TCOF1: variants seen among roughly 807,000 people sequenced by gnomAD.
TCOF1 encodes treacle protein.
A neutral mutation model predicts 149.0 loss-of-function variants in TCOF1; 33 were observed. That is an observed-to-expected ratio of 0.22 (90% CI 0.17 to 0.30). The LOEUF (loss-of-function observed/expected upper bound fraction) is 0.30, where lower values mean the gene tolerates loss of function less well. Among genes scored for constraint, TCOF1 ranks in the 10% least tolerant of loss-of-function variants. The probability of loss-of-function intolerance (pLI) is 1.00; values close to 1 mark genes in which losing one functional copy is unlikely to be tolerated. For synonymous variants in TCOF1, 789 were observed against 738.8 expected (o/e 1.07, Z -1.10); for missense variants, 1,728 against 1,840.7 (o/e 0.94, Z 1.12).
chr5:150,373,171 C>T (rs928610630), intron 7 of TCOF1, among the ~76,000 whole-genome samples: 5 of 152,036 alleles, frequency 3.3e-5, no homozygotes, highest in African/African-American at 1.2e-4. Context: ...AGCCTCACTC[C>T]TGAGTAGCTA....
chr5:150,357,944 C>T (rs1759016966), intron 1 of TCOF1, 90 bp downstream of exon 1: 3 of 1,403,704 alleles, frequency 2.1e-6, no homozygotes, highest in Middle Eastern at 2.4e-4. Context: ...GGCGACCCGG[C>T]AGGCGCCCGG....
intron 17 of TCOF1, chr5:150,384,622 A>T (rs1765902783): frequency 1.0e-6 from 1 of 985,318 alleles, no homozygotes; most frequent in Admixed American, 6.1e-5. Flanking sequence ...TAAAATGAAC[A>T]TCCTGCTTAA....
chr5:150,377,352 G>A (rs1236787048), intron 14 of TCOF1, among the ~76,000 whole-genome samples: 2 of 152,146 alleles, frequency 1.3e-5, no homozygotes, highest in East Asian at 1.9e-4. Context: ...GATCTCACCT[G>A]CTACACCCAG....
chr5:150,375,776 G>A lies in TCOF1; in HGVS notation c.1760G>A (p.Gly587Glu), dbSNP rs1350063322. Residue 587 changes from glycine to glutamate, a missense_variant, in exon 12 of 27, where the codon GGG becomes GAG. Coordinates refer to ENST00000643257, the MANE Select transcript of TCOF1 (RefSeq NM_001371623.1). ...AAACCCACCTCCAGTCCTGCCAAGGGGCCCCCTCAGAAGGCAGGGCCTGTA... is the reference window on the plus strand; with the variant it reads ...AAACCCACCTCCAGTCCTGCCAAGGAGCCCCCTCAGAAGGCAGGGCCTGTA... ...QAKPTSSPAK[G>E]PPQKAGPVAV... 1 of 1,614,208 alleles carries A rather than the reference G, an allele frequency of 6.2e-7. No individual in the cohort carries two copies. Among genetic ancestry groups the A allele is most frequent in the Non-Finnish European group, 8.5e-7 (1 of 1,180,044 alleles).
At chr5:150,383,135 C>G in intron 17 of TCOF1, 1 of 1,536,076 alleles carries the variant, frequency 6.5e-7, no homozygotes. Context: ...ACGGAGGGGT[C>G]CTCGGAGAGC....
At chr5:150,379,980 G>A in intron 17 of TCOF1, 1 of 461,812 alleles carries the variant, frequency 2.2e-6, no homozygotes, top group East Asian at 4.7e-5. Context: ...GCTGAGGCAG[G>A]AGAATCCCTA....
At chr5:150,371,303 A>G (rs1332619301) in intron 6 of TCOF1, among the ~76,000 whole-genome samples, 1 of 152,040 alleles carries the variant, frequency 6.6e-6, no homozygotes, top group Non-Finnish European at 1.5e-5. Context: ...TGCGCCCTAG[A>G]TACCACCAGC....
intron 2 of TCOF1, among the ~76,000 whole-genome samples, chr5:150,362,482 G>A (rs748479096): frequency 7.9e-5 from 12 of 152,160 alleles, no homozygotes; most frequent in South Asian, 4.1e-4. Flanking sequence ...AGAATAGTGC[G>A]TTCTCTGAGG....
At chr5:150,383,173 G>A (rs1765587133) in intron 17 of TCOF1, 1 of 1,535,130 alleles carries the variant, frequency 6.5e-7, no homozygotes, top group Non-Finnish European at 8.7e-7. Context: ...ACTGACCCAG[G>A]TGCGCCATGC....
chr5:150,387,836 C>G (rs893525291), intron 17 of TCOF1, 66 bp from the exon 18 acceptor site: 3 of 1,607,988 alleles, frequency 1.9e-6, no homozygotes, highest in African/African-American at 2.7e-5. Context: ...CTCCCTAACC[C>G]CATCACCTCC....
chr5:150,393,628 A>G (rs1413340367), intron 23 of TCOF1, 76 bp downstream of exon 23: 22 of 1,582,650 alleles, frequency 1.4e-5, no homozygotes, highest in Non-Finnish European at 6.9e-6. Flanking sequence ...GCCCTCCTGT[A>G]GCAACAGTCC....
chr5:150,361,126 A>C (rs768390255), intron 1 of TCOF1, 30 bp from the exon 2 acceptor site: 17 of 1,613,834 alleles, frequency 1.1e-5, no homozygotes, highest in Non-Finnish European at 6.8e-6. Context: ...GCTGGGGATT[A>C]ATTGTGGCTT....
chr5:150,359,447 C>T (rs575931792), intron 1 of TCOF1, among the ~76,000 whole-genome samples: 2 of 151,906 alleles, frequency 1.3e-5, no homozygotes, highest in Admixed American at 6.6e-5. Flanking sequence ...GTCTGGTGGG[C>T]AGTTTGATCT....
At position 150,372,106 on chromosome 5, in the gene TCOF1, A is replaced by T; in HGVS notation, c.740A>T (p.Asp247Val). 1.2e-6 allele frequency: 2 copies of T among 1,614,158 alleles called. No individual in the cohort carries two copies. The highest frequency in any genetic ancestry group is 1.1e-5 in the South Asian group (1 of 91,090). The change falls in exon 7 of 27, where the codon GAT becomes GTT. Residue 247 changes from aspartate to valine, a missense_variant. Asp to Val is a radical substitution (Grantham distance 152). Transcript: ENST00000643257. ...GCCCCAGCCCCTGGGAAGGTGGGGGATGTGACACCCCAGGTCAAAGGAGGG... is the reference window on the plus strand; with the variant it reads ...GCCCCAGCCCCTGGGAAGGTGGGGGTTGTGACACCCCAGGTCAAAGGAGGG... ...KAAPAPGKVGDVTPQVKGGAL... is the reference protein window; with the variant it reads ...KAAPAPGKVGVVTPQVKGGAL...
At chr5:150,392,274 C>T in intron 21 of TCOF1, 98 bp downstream of exon 21, 3 of 1,239,310 alleles carry the variant, frequency 2.4e-6, no homozygotes, top group South Asian at 1.4e-5. Flanking sequence ...ATCTCAGACT[C>T]ATTCTGCACC....
intron 7 of TCOF1, among the ~76,000 whole-genome samples, chr5:150,373,903 G>A (rs557453017): frequency 4.1e-4 from 62 of 152,304 alleles, no homozygotes; most frequent in African/African-American, 1.3e-3. Flanking sequence ...TAAGGAAGTG[G>A]TGTCTCTTAG....
Position 150,380,424 on chromosome 5 carries a change from G to A in TCOF1, c.2859+692G>A, listed in dbSNP as rs946267027. The A allele has an allele frequency of 4.5e-5, 7 of 154,938 alleles. 1 individual carries two copies. The highest frequency in any genetic ancestry group is 1.7e-4 in the African/African-American group (7 of 41,460). 9.6% of individuals were successfully genotyped at this position (154,938 alleles called of 1,614,324 possible). On this transcript the variant is annotated intron_variant, in intron 17 of 26. Coordinates refer to ENST00000643257, the MANE Select transcript of TCOF1 (RefSeq NM_001371623.1). ...CCCTGTCAGAGTCCCAGGGAAGCTT[G>A]GAGTGTGGCACAGGTCCCCCTGAGG...
intron 17 of TCOF1, chr5:150,384,829 TATTGTAC>T (rs1305413229): frequency 1.0e-6 from 1 of 985,372 alleles, no homozygotes. Context: ...TTATTTTCAT[TATTGTAC>T]ATTTATTGAG....
At chr5:150,395,906 C>A (rs1343881816) in intron 23 of TCOF1, among the ~76,000 whole-genome samples, 1 of 152,158 alleles carries the variant, frequency 6.6e-6, no homozygotes, top group Non-Finnish European at 1.5e-5. Flanking sequence ...GAAAGTCAGA[C>A]CTAGAACCCA....
Sources: gnomAD v4.1 joint callset for allele counts (sites outside exome capture counted in the v4.1 genomes callset) on GRCh38, gnomAD v4.1.1 for gene constraint, MANE v1.5 for transcripts, NCBI Gene and HGNC (gene_info 2026-07-23, HGNC 2026-07-21) for gene names.